Variants in WSCD2 observed in about 807,000 individuals in gnomAD.
The protein encoded by WSCD2 is sialate:O-sulfotransferase 2.
WSCD2 carries 28 observed loss-of-function variants against 55.7 expected under a neutral mutation model. That is an observed-to-expected ratio of 0.50 (90% CI 0.37 to 0.69). The LOEUF (loss-of-function observed/expected upper bound fraction) is 0.69. WSCD2 is among the 30% of genes least tolerant of loss of function. The pLI is 0.00. For synonymous variants in WSCD2, 301 were observed against 301.9 expected (o/e 1.00, Z 0.03); for missense variants, 616 against 762.1 (o/e 0.81, Z 2.26).
At chr12:108,193,744 T>A (rs1402029246) in intron 1 of WSCD2, among the ~76,000 whole-genome samples, 2 of 152,112 alleles carry the variant, frequency 1.3e-5, no homozygotes, top group Non-Finnish European at 2.9e-5. Flanking sequence ...ACTGGATGGG[T>A]AGGTGGACTG....
chr12:108,241,728 C>A (rs1238249551), intron 8 of WSCD2, among the ~76,000 whole-genome samples: 2 of 151,986 alleles, frequency 1.3e-5, no homozygotes, highest in Admixed American at 6.6e-5. Flanking sequence ...CACACAAAAA[C>A]GAACAAAGAA....
chr12:108,162,628 G>A (rs1202983524), intron 1 of WSCD2, among the ~76,000 whole-genome samples: 1 of 152,214 alleles, frequency 6.6e-6, no homozygotes, highest in Non-Finnish European at 1.5e-5. Context: ...AAGCTTGGAT[G>A]TTTATTCCCT....
intron 1 of WSCD2, among the ~76,000 whole-genome samples, chr12:108,164,696 C>A (rs568981269): frequency 6.6e-6 from 1 of 152,134 alleles, no homozygotes; most frequent in Admixed American, 6.5e-5. Context: ...GTGGACAACA[C>A]CAGTCTCCAG....
intron 3 of WSCD2, among the ~76,000 whole-genome samples, chr12:108,207,516 C>T (rs932154457): frequency 6.8e-6 from 1 of 147,574 alleles, no homozygotes; most frequent in African/African-American, 2.5e-5. Flanking sequence ...ACTACAGGCG[C>T]ATGCCACCAT....
At chr12:108,158,244 C>T (rs1036504995) in intron 1 of WSCD2, among the ~76,000 whole-genome samples, 16 of 152,136 alleles carry the variant, frequency 1.1e-4, no homozygotes, top group Non-Finnish European at 1.9e-4. Flanking sequence ...GATTAAATTG[C>T]CCCTGGAGAG....
intron 6 of WSCD2, among the ~76,000 whole-genome samples, chr12:108,230,827 C>T (rs1593098879): frequency 6.6e-6 from 1 of 152,240 alleles, no homozygotes; most frequent in East Asian, 1.9e-4. Flanking sequence ...AGGACCTTGC[C>T]CATAACCGGT....
At chr12:108,181,850 G>A (rs1015185220) in intron 1 of WSCD2, among the ~76,000 whole-genome samples, 1 of 152,210 alleles carries the variant, frequency 6.6e-6, no homozygotes, top group Non-Finnish European at 1.5e-5. Context: ...TTGTGCTGAG[G>A]CCTGGGAATT....
intron 4 of WSCD2, among the ~76,000 whole-genome samples, chr12:108,220,585 G>A (rs572122406): frequency 1.4e-4 from 21 of 152,230 alleles, no homozygotes; most frequent in African/African-American, 3.4e-4. Context: ...GCTGGAGTGC[G>A]GGGGCATGAT....
intron 1 of WSCD2, among the ~76,000 whole-genome samples, chr12:108,153,001 G>A (rs1878168391): frequency 6.6e-6 from 1 of 152,116 alleles, no homozygotes; most frequent in Non-Finnish European, 1.5e-5. Context: ...CTACTTGAGA[G>A]GCTGAGGCAT....
intron 3 of WSCD2, among the ~76,000 whole-genome samples, chr12:108,208,333 A>G (rs1885688675): frequency 6.6e-6 from 1 of 152,220 alleles, no homozygotes; most frequent in Non-Finnish European, 1.5e-5. Flanking sequence ...CAAGACCCCT[A>G]TGAGGCAGGA....
At chr12:108,213,303 G>A (rs1405901718) in intron 4 of WSCD2, among the ~76,000 whole-genome samples, 6 of 152,278 alleles carry the variant, frequency 3.9e-5, no homozygotes, top group Admixed American at 1.3e-4. Flanking sequence ...AGAGGGCTGC[G>A]GGGGCTCTGT....
intron 1 of WSCD2, among the ~76,000 whole-genome samples, chr12:108,153,549 A>G (rs1565920333): frequency 6.6e-6 from 1 of 152,208 alleles, no homozygotes; most frequent in Non-Finnish European, 1.5e-5. Context: ...ATCACAAGGG[A>G]TGGTGCAGCA....
chr12:108,205,816 C>A (rs1184160591), intron 2 of WSCD2, among the ~76,000 whole-genome samples: 1 of 152,018 alleles, frequency 6.6e-6, no homozygotes, highest in Non-Finnish European at 1.5e-5. Context: ...CTTTCTAGGC[C>A]CATGCTAGGA....
intron 1 of WSCD2, among the ~76,000 whole-genome samples, chr12:108,152,194 G>C (rs1055450518): frequency 2.2e-4 from 34 of 152,304 alleles, no homozygotes; most frequent in African/African-American, 8.2e-4. Flanking sequence ...TGCTGCACTT[G>C]AAGAAGGAGG....
At chr12:108,150,434 T>C (rs1877858806) in intron 1 of WSCD2, among the ~76,000 whole-genome samples, 1 of 152,064 alleles carries the variant, frequency 6.6e-6, no homozygotes, top group Admixed American at 6.6e-5. Context: ...TGAAAGGGTC[T>C]CTCCCAGGAA....
In WSCD2 at chr12:108,248,054, A is replaced by T; in HGVS notation, c.1409A>T (p.Lys470Met). The change falls in exon 9 of 9, where the codon AAG becomes ATG. Residue 470 changes from lysine to methionine, a missense_variant. Lys to Met is a moderately conservative substitution (Grantham distance 95, BLOSUM62 -1). This residue lies in a region of WSCD2 where 234 missense variants were observed against 264.6 expected (regional missense o/e 0.88). Coordinates refer to ENST00000547525, the MANE Select transcript of WSCD2 (RefSeq NM_014653.4). The surrounding 1 kb of genome is among the most constrained non-coding windows in gnomAD (Gnocchi z 4.3). ...WWATHTLDWL[K>M]FGKKVLVVHF... The stretch of plus-strand genomic sequence containing the variant: ...GCCACTCACACACTGGACTGGCTCA[A>T]GTTTGGCAAGAAGGTGCTGGTGGTG... 2 of 1,614,178 alleles carry T rather than the reference A, an allele frequency of 1.2e-6. No homozygotes were observed. The highest frequency in any genetic ancestry group is 8.5e-7 in the Non-Finnish European group (1 of 1,180,034).
At chr12:108,190,793 G>C (rs542010360) in intron 1 of WSCD2, among the ~76,000 whole-genome samples, 27 of 152,208 alleles carry the variant, frequency 1.8e-4, no homozygotes, top group Non-Finnish European at 3.7e-4. Context: ...CCAGCCCTGG[G>C]GGGGAGGCAG....
chr12:108,208,552 C>T (rs1885719710), intron 3 of WSCD2, among the ~76,000 whole-genome samples: 1 of 152,048 alleles, frequency 6.6e-6, no homozygotes, highest in Non-Finnish European at 1.5e-5. Flanking sequence ...CTAGGTAGGG[C>T]AGAAATAACA....
chr12:108,213,386 T>G (rs1323023520), intron 4 of WSCD2, among the ~76,000 whole-genome samples: 1 of 152,226 alleles, frequency 6.6e-6, no homozygotes, highest in Non-Finnish European at 1.5e-5. Context: ...GGGACAGCCA[T>G]GTGTTCTAAT....
Sources: allele counts gnomAD v4.1 joint callset (sites outside exome capture counted in the v4.1 genomes callset), GRCh38; gene constraint gnomAD v4.1.1; regional missense constraint gnomAD v4.1.1; non-coding constraint Gnocchi (gnomAD v3.1); transcripts MANE v1.5; gene names NCBI Gene and HGNC (gene_info 2026-07-23, HGNC 2026-07-21).